Variants in CCDC91 observed in about 807,000 individuals in gnomAD.
The protein encoded by CCDC91 is coiled-coil domain-containing protein 91.
A neutral mutation model predicts 63.2 loss-of-function variants in CCDC91; 48 were observed. The ratio of observed to expected loss-of-function variants is 0.76; its 90% CI spans 0.60 to 0.97. The LOEUF (loss-of-function observed/expected upper bound fraction) is 0.97. Ranked by LOEUF, CCDC91 falls within the 50% of genes least tolerant of loss-of-function variation. CCDC91 has a pLI of 0.00. For synonymous variants in CCDC91, 167 were observed against 165.8 expected (o/e 1.01, Z -0.06); for missense variants, 500 against 494.6 (o/e 1.01, Z -0.10).
At chr12:28,423,496 G>A (rs769899127) in intron 8 of CCDC91, among the ~76,000 whole-genome samples, 11 of 152,032 alleles carry the variant, frequency 7.2e-5, no homozygotes, top group Non-Finnish European at 1.5e-4. Context: ...GAATGTCAAG[G>A]GGTACTATCT....
chr12:28,419,691 A>G (rs1442108310), intron 8 of CCDC91, among the ~76,000 whole-genome samples: 5 of 152,094 alleles, frequency 3.3e-5, no homozygotes, highest in Non-Finnish European at 7.4e-5. Flanking sequence ...CATCAATGCA[A>G]CATTTACTAT....
chr12:28,541,850 A>G (rs1244767436), intron 12 of CCDC91, among the ~76,000 whole-genome samples: 1 of 152,082 alleles, frequency 6.6e-6, no homozygotes, highest in African/African-American at 2.4e-5. Flanking sequence ...TAAATTGTTT[A>G]TTTACCATTG....
chr12:28,421,170 G>A (rs1289185802), intron 8 of CCDC91, among the ~76,000 whole-genome samples: 1 of 152,096 alleles, frequency 6.6e-6, no homozygotes, highest in African/African-American at 2.4e-5. Flanking sequence ...ACAAGAAGAT[G>A]ATCATGGACT....
intron 1 of CCDC91, among the ~76,000 whole-genome samples, chr12:28,202,275 C>A (rs1305024514): frequency 1.3e-5 from 2 of 152,134 alleles, no homozygotes; most frequent in African/African-American, 2.4e-5. Flanking sequence ...TCCTTAGGGA[C>A]AATTAACTGC....
intron 6 of CCDC91, among the ~76,000 whole-genome samples, chr12:28,324,338 A>G (rs764045941): frequency 2.6e-5 from 4 of 151,860 alleles, no homozygotes; most frequent in Admixed American, 6.6e-5. Flanking sequence ...CTTTCACTCT[A>G]TAGCAAATTA....
At chr12:28,327,660 C>T (rs1043028380) in intron 6 of CCDC91, among the ~76,000 whole-genome samples, 1 of 152,132 alleles carries the variant, frequency 6.6e-6, no homozygotes, top group African/African-American at 2.4e-5. Context: ...CTTCTAAACC[C>T]ACTTCTTGTG....
intron 1 of CCDC91, among the ~76,000 whole-genome samples, chr12:28,250,466 A>C (rs1207301839): frequency 6.6e-6 from 1 of 152,124 alleles, no homozygotes; most frequent in Non-Finnish European, 1.5e-5. Context: ...GGCAGTTTCA[A>C]AATTATTAAC....
intron 1 of CCDC91, among the ~76,000 whole-genome samples, chr12:28,254,301 A>G (rs1946301640): frequency 6.6e-6 from 1 of 152,194 alleles, no homozygotes; most frequent in East Asian, 1.9e-4. Flanking sequence ...AGAATGAATT[A>G]TGTGATCTGT....
At chr12:28,320,258 C>T (rs750610985) in intron 6 of CCDC91, among the ~76,000 whole-genome samples, 2 of 151,848 alleles carry the variant, frequency 1.3e-5, no homozygotes, top group Non-Finnish European at 2.9e-5. Flanking sequence ...GTACATTTAT[C>T]ACTTTAGAGG....
At chr12:28,311,331 CT>C (rs1184619536) in intron 6 of CCDC91, among the ~76,000 whole-genome samples, 1 of 151,996 alleles carries the variant, frequency 6.6e-6, no homozygotes, top group Non-Finnish European at 1.5e-5. Context: ...AAAGTTCTGG[CT>C]TCCCACTCAG....
At chr12:28,424,653 A>T (rs1187473891) in intron 8 of CCDC91, among the ~76,000 whole-genome samples, 1 of 152,112 alleles carries the variant, frequency 6.6e-6, no homozygotes, top group Non-Finnish European at 1.5e-5. Flanking sequence ...TCATATTAAT[A>T]ATTTAAAATA....
At chr12:28,529,956 T>G (rs1286371001) in intron 12 of CCDC91, among the ~76,000 whole-genome samples, 5 of 152,202 alleles carry the variant, frequency 3.3e-5, no homozygotes, top group Non-Finnish European at 5.9e-5. Flanking sequence ...AACAGTCAGA[T>G]GAACTGGAGA....
At chr12:28,521,573 C>A (rs2141439368) in intron 12 of CCDC91, among the ~76,000 whole-genome samples, 1 of 152,234 alleles carries the variant, frequency 6.6e-6, no homozygotes, top group East Asian at 1.9e-4. Flanking sequence ...TTTCTTTCTC[C>A]TGCCTGATTG....
chr12:28,190,588 G>C lies in CCDC91; in HGVS notation c.-68G>C, dbSNP rs955275282. 1.3e-5 allele frequency: 2 copies of C among 155,022 alleles called. No homozygotes were observed. Among genetic ancestry groups the C allele is most frequent in the Non-Finnish European group, 2.8e-5 (2 of 70,272 alleles). The allele number at this position is 155,022 out of a possible 1,614,324, so 9.6% of individuals were successfully genotyped here. The stretch of plus-strand genomic sequence containing the variant: ...CTGTGTGCTGGGGGTGGCTCACCGG[G>C]CAGCGTGGGTGAGCGGCGCAGCGGC... On this transcript the variant is annotated 5_prime_UTR_variant, in exon 1 of 13. Transcript: ENST00000536442.
At chr12:28,481,249 C>G (rs943162709) in intron 11 of CCDC91, among the ~76,000 whole-genome samples, 1 of 151,864 alleles carries the variant, frequency 6.6e-6, no homozygotes, top group African/African-American at 2.4e-5. Flanking sequence ...CCAAACTATT[C>G]ACCTTAGGAT....
chr12:28,530,523 T>G (rs2141608348), intron 12 of CCDC91, among the ~76,000 whole-genome samples: 1 of 152,316 alleles, frequency 6.6e-6, no homozygotes, highest in South Asian at 2.1e-4. Context: ...TAGTAATTAT[T>G]TTATACCATT....
chr12:28,452,491 C>T lies in CCDC91; in HGVS notation c.938C>T (p.Ala313Val). Residue 313 changes from alanine to valine, a missense_variant, in exon 11 of 13, where the codon GCA (alanine) becomes GTA (valine). Coordinates refer to ENST00000536442, the MANE Select transcript of CCDC91 (RefSeq NM_018318.5). ...LVSAAKLEKEAVKDAVLKVVE... is the reference protein window; with the variant it reads ...LVSAAKLEKEVVKDAVLKVVE... The stretch of plus-strand genomic sequence containing the variant: ...TTTATTTTGAAGCTTGAAAAAGAAG[C>T]AGTGAAGGATGCAGTTTTAAAAGTC... 1 of 1,560,768 alleles carries T rather than the reference C, an allele frequency of 6.4e-7. No homozygotes were observed. Among genetic ancestry groups the T allele is most frequent in the South Asian group, 1.2e-5 (1 of 82,694 alleles).
At chr12:28,368,902 G>T (rs1944437945) in intron 7 of CCDC91, among the ~76,000 whole-genome samples, 1 of 151,922 alleles carries the variant, frequency 6.6e-6, no homozygotes, top group Admixed American at 6.6e-5. Flanking sequence ...AGGACTCACT[G>T]ACTACCATAA....
intron 8 of CCDC91, among the ~76,000 whole-genome samples, chr12:28,402,339 G>T (rs144713490): frequency 2.3e-4 from 35 of 152,074 alleles, no homozygotes; most frequent in Non-Finnish European, 4.7e-4. Context: ...TCCTCTTATA[G>T]ATCTTGTACA....
Sources: allele counts gnomAD v4.1 joint callset (sites outside exome capture counted in the v4.1 genomes callset), GRCh38; gene constraint gnomAD v4.1.1; transcripts MANE v1.5; gene names NCBI Gene and HGNC (gene_info 2026-07-23, HGNC 2026-07-21).